Variants in KCND3 observed in about 807,000 individuals in gnomAD.
KCND3 encodes A-type voltage-gated potassium channel KCND3.
In KCND3, 9 loss-of-function variants were observed where a neutral mutation model predicts 51.1. The observed-to-expected ratio is 0.18, with a 90% CI of 0.11 to 0.31. KCND3 has a LOEUF of 0.31. Among genes scored for constraint, KCND3 ranks in the 10% least tolerant of loss-of-function variants. The pLI is 1.00. For missense variants in KCND3, 526 were observed against 903.8 expected (o/e 0.58, Z 5.36); for synonymous variants, 349 against 368.0 (o/e 0.95, Z 0.59).
At chr1:111,825,838 C>T (rs1666547414) in intron 2 of KCND3, among the ~76,000 whole-genome samples, 1 of 152,150 alleles carries the variant, frequency 6.6e-6, no homozygotes, top group African/African-American at 2.4e-5. Flanking sequence ...TTTGCTTATA[C>T]AAATATTATT....
chr1:111,982,432 G>C lies in KCND3; in HGVS notation c.295C>G (p.Arg99Gly). The C allele has an allele frequency of 6.2e-7, 1 of 1,614,010 alleles. No individual in the cohort carries two copies. Among genetic ancestry groups the C allele is most frequent in the East Asian group, 2.2e-5 (1 of 44,866 alleles). Residue 99 changes from arginine to glycine, a missense_variant, in exon 2 of 8, where the codon CGC becomes GGC. By Grantham distance (125) the Arg-to-Gly change is moderately radical. Transcript: ENST00000302127. This position sits in a 1 kb window ranked among gnomAD's most constrained non-coding sequence, Gnocchi z 8.5. ...EVFRCVLNFY[R>G]TGKLHYPRYE... ...CGCGGGTAGTGCAGCTTCCCCGTGC[G>C]GTAGAAGTTGAGCACGCAGCGGAAC...
At chr1:111,797,014 G>A (rs544606870) in intron 2 of KCND3, among the ~76,000 whole-genome samples, 72 of 152,352 alleles carry the variant, frequency 4.7e-4, no homozygotes, top group African/African-American at 1.7e-3. Context: ...GCTGTCCTGG[G>A]TGACAGAGCT....
chr1:111,886,479 T>G (rs1392994581), intron 2 of KCND3, among the ~76,000 whole-genome samples: 3 of 152,248 alleles, frequency 2.0e-5, no homozygotes, highest in Admixed American at 2.0e-4. Flanking sequence ...ATGAAACCTG[T>G]CTTCAAACAT....
intron 2 of KCND3, among the ~76,000 whole-genome samples, chr1:111,955,344 G>T (rs899344480): frequency 6.6e-6 from 1 of 152,146 alleles, no homozygotes; most frequent in African/African-American, 2.4e-5. Context: ...AGCCCAGGAG[G>T]TTGGGGCTGC....
At chr1:111,988,427 G>C (rs560488371) in intron 1 of KCND3, among the ~76,000 whole-genome samples, 6 of 152,200 alleles carry the variant, frequency 3.9e-5, no homozygotes, top group African/African-American at 1.4e-4. Context: ...TCTTTCTCTG[G>C]GGGGTCCCTT....
At chr1:111,907,068 C>T (rs1444628839) in intron 2 of KCND3, among the ~76,000 whole-genome samples, 4 of 152,202 alleles carry the variant, frequency 2.6e-5, no homozygotes, top group Non-Finnish European at 4.4e-5. Flanking sequence ...CCTACTGTCC[C>T]CCAATCCTGG....
At chr1:111,778,362 G>C in intron 6 of KCND3, 74 bp downstream of exon 6, 1 of 1,412,070 alleles carries the variant, frequency 7.1e-7, no homozygotes. Flanking sequence ...AGGCCGGGGG[G>C]TAAAAAGGGG....
chr1:111,912,318 A>G (rs1372668200), intron 2 of KCND3, among the ~76,000 whole-genome samples: 2 of 152,222 alleles, frequency 1.3e-5, no homozygotes, highest in Non-Finnish European at 2.9e-5. Context: ...AGTCATCTTA[A>G]CACTGTAGTG....
chr1:111,818,085 T>C (rs1399850308), intron 2 of KCND3, among the ~76,000 whole-genome samples: 1 of 148,508 alleles, frequency 6.7e-6, no homozygotes, highest in African/African-American at 2.5e-5. Context: ...CACAGAATTA[T>C]GAGGCAGCTG....
Position 111,920,133 on chromosome 1 carries a change from T to C in KCND3, c.1106+61488A>G, listed in dbSNP as rs151151575. ...AACCCCACCTGGCCCCTCCAGCTGG[T>C]AGACAAAATGGAGGCCTCCAGTTCC... On this transcript the variant is annotated intron_variant, in intron 2 of 7. Coordinates refer to ENST00000302127, the MANE Select transcript of KCND3 (RefSeq NM_001378969.1). 1.7e-3 allele frequency among the ~76,000 whole-genome samples: 265 copies of C among 152,160 alleles called. 1 individual carries two copies. Among genetic ancestry groups the C allele is most frequent in the African/African-American group, 6.2e-3 (257 of 41,524 alleles).
At chr1:111,839,808 C>T (rs998763135) in intron 2 of KCND3, among the ~76,000 whole-genome samples, 3 of 152,218 alleles carry the variant, frequency 2.0e-5, no homozygotes, top group African/African-American at 7.2e-5. Flanking sequence ...GAGATTCAAC[C>T]AGGTAGGTCT....
At chr1:111,793,203 T>C (rs368352713) in intron 2 of KCND3, among the ~76,000 whole-genome samples, 5 of 142,792 alleles carry the variant, frequency 3.5e-5, no homozygotes. Context: ...TGAGACAGAG[T>C]CTCGCTCTGT....
chr1:111,949,012 T>C (rs1672924718), intron 2 of KCND3, among the ~76,000 whole-genome samples: 3 of 152,244 alleles, frequency 2.0e-5, no homozygotes, highest in Admixed American at 2.0e-4. Flanking sequence ...CAAGCCTTTC[T>C]GAGCCTCACT....
chr1:111,789,818 C>T (rs1394718849), intron 2 of KCND3, among the ~76,000 whole-genome samples: 2 of 152,188 alleles, frequency 1.3e-5, no homozygotes, highest in Non-Finnish European at 2.9e-5. Context: ...GGAGACTGCT[C>T]CAGACCTATT....
chr1:111,953,680 T>C (rs1673173449), intron 2 of KCND3, among the ~76,000 whole-genome samples: 2 of 152,186 alleles, frequency 1.3e-5, no homozygotes, highest in African/African-American at 2.4e-5. Flanking sequence ...GGCAAAGTTC[T>C]CCAAAGAACT....
At position 111,919,374 on chromosome 1, in the gene KCND3, C is replaced by T. The variant is rs542441120; in HGVS notation, c.1106+62247G>A. On this transcript the variant is annotated intron_variant, in intron 2 of 7. Coordinates refer to ENST00000302127, the MANE Select transcript of KCND3 (RefSeq NM_001378969.1). ...CTCTAGGTATGGGGTTCAGGGAAGGCCTCTCCAAGGGTGTGACCTTTGCCT... is the reference window on the plus strand; with the variant it reads ...CTCTAGGTATGGGGTTCAGGGAAGGTCTCTCCAAGGGTGTGACCTTTGCCT... 3.9e-5 allele frequency among the ~76,000 whole-genome samples: 6 copies of T among 151,998 alleles called. No individual in the cohort carries two copies. The South Asian group carries it at 1.3e-3, about 32-fold the overall frequency.
intron 2 of KCND3, among the ~76,000 whole-genome samples, chr1:111,959,486 G>A (rs1673520196): frequency 6.6e-6 from 1 of 152,074 alleles, no homozygotes; most frequent in Non-Finnish European, 1.5e-5. Flanking sequence ...CATCAGGGAG[G>A]GTCTCTCTCC....
intron 2 of KCND3, among the ~76,000 whole-genome samples, chr1:111,832,722 A>C (rs1246293424): frequency 6.6e-6 from 1 of 152,170 alleles, no homozygotes; most frequent in Non-Finnish European, 1.5e-5. Context: ...AGAATGATAA[A>C]TGTGATGCCG....
In KCND3 at chr1:111,971,606, G is replaced by A. The variant is rs1674335145; in HGVS notation, c.1106+10015C>T. 2.0e-5 allele frequency among the ~76,000 whole-genome samples: 3 copies of A among 152,126 alleles called. No homozygotes were observed. In the South Asian group the frequency reaches 6.3e-4, roughly 32 times the overall value. On this transcript the variant is annotated intron_variant, in intron 2 of 7. Coordinates refer to ENST00000302127, the MANE Select transcript of KCND3 (RefSeq NM_001378969.1). ...TTTTCTGCTTCAGCTGATGATTTTG[G>A]AAACGGCCTGTTTATCCTTTCTCCC...
Sources: allele counts gnomAD v4.1 joint callset (sites outside exome capture counted in the v4.1 genomes callset), GRCh38; gene constraint gnomAD v4.1.1; non-coding constraint Gnocchi (gnomAD v3.1); transcripts MANE v1.5; gene names NCBI Gene and HGNC (gene_info 2026-07-23, HGNC 2026-07-21).